Variants in PCDHA3 observed in about 807,000 individuals in gnomAD.
The protein encoded by PCDHA3 is protocadherin alpha-3.
PCDHA3 carries 41 observed loss-of-function variants against 62.2 expected under a neutral mutation model. That is an observed-to-expected ratio of 0.66 (90% CI 0.51 to 0.86). The LOEUF is 0.86. Ranked by LOEUF, PCDHA3 falls within the 40% of genes least tolerant of loss-of-function variation. The pLI is 0.00. For missense variants in PCDHA3, 1,304 were observed against 1,241.2 expected (o/e 1.05, Z -0.76); for synonymous variants, 640 against 555.4 (o/e 1.15, Z -2.14).
chr5:140,999,678 G>A (rs1204037119), intron 3 of PCDHA3, among the ~76,000 whole-genome samples: 2 of 152,112 alleles, frequency 1.3e-5, no homozygotes, highest in East Asian at 1.9e-4. Context: ...GGGGCTCACA[G>A]AAAGAAGAAA....
chr5:140,836,437 G>A (rs1447681112), intron 1 of PCDHA3: 1 of 1,613,724 alleles, frequency 6.2e-7, no homozygotes, highest in African/African-American at 1.3e-5. Flanking sequence ...GCATCGTTGG[G>A]CATTGCAGGC....
In PCDHA3 at chr5:140,802,135, G is replaced by A. The variant is rs1554121883; in HGVS notation, c.938G>A (p.Ser313Asn). The A allele has an allele frequency of 1.2e-6, 2 of 1,614,198 alleles. No individual in the cohort carries two copies. Among genetic ancestry groups the A allele is most frequent in the Non-Finnish European group, 1.7e-6 (2 of 1,180,044 alleles). ...AAGGGTAACATAGATTTCGAGGAAA[G>A]TAAGTCATATGAAATCCAGGTAGAA... is the stretch of plus-strand genomic sequence containing the variant. Reference protein sequence around the residue: ...SVKGNIDFEESKSYEIQVEAT... With the variant: ...SVKGNIDFEENKSYEIQVEAT... The change falls in exon 1 of 4, where the codon AGT becomes AAT. Residue 313 changes from serine to asparagine, a missense_variant. Ser to Asn is a conservative substitution (Grantham distance 46). Transcript: ENST00000522353.
intron 1 of PCDHA3, chr5:140,870,974 G>A: frequency 1.2e-6 from 2 of 1,613,628 alleles, no homozygotes; most frequent in Middle Eastern, 1.7e-4. Flanking sequence ...TTCCGCGTGG[G>A]GCTGTACACG....
intron 1 of PCDHA3, among the ~76,000 whole-genome samples, chr5:140,890,025 T>G (rs1438426095): frequency 2.0e-5 from 3 of 152,178 alleles, no homozygotes; most frequent in African/African-American, 7.2e-5. Context: ...TGTAGAAGGC[T>G]TCAGGTGACT....
At position 140,869,188 on chromosome 5, in the gene PCDHA3, G is replaced by T. The variant is rs200563745; in HGVS notation, c.2394+65597G>T. 364 of 1,613,946 alleles carry T rather than the reference G, an allele frequency of 2.3e-4. 4 individuals carry two copies. In the Admixed American group the frequency reaches 5.9e-3, roughly 26 times the overall value. On this transcript the variant is annotated intron_variant, in intron 1 of 3. Coordinates refer to ENST00000522353, the MANE Select transcript of PCDHA3 (RefSeq NM_018906.3). ...CCTCGAATTCTGGGAGGTGGGGAGC[G>T]GCCAGCTCCACTACTCCGTCTCGGA...
At chr5:140,919,183 A>T (rs2079029188) in intron 1 of PCDHA3, among the ~76,000 whole-genome samples, 1 of 152,104 alleles carries the variant, frequency 6.6e-6, no homozygotes, top group Non-Finnish European at 1.5e-5. Context: ...TATCTTCCTG[A>T]TTGGTCCTTT....
intron 3 of PCDHA3, chr5:140,989,112 T>C (rs1312650713): frequency 1.3e-5 from 2 of 152,222 alleles, no homozygotes; most frequent in Non-Finnish European, 2.9e-5. Context: ...CTTTTGAATA[T>C]ATCTTAGAAA....
chr5:140,836,498 C>T lies in PCDHA3; in HGVS notation c.2394+32907C>T. Reference sequence around the variant, plus strand: ...ACGTGTACCTGATCATCGCCATCTGCGCGGTGTCCAGTCTGTTGGTGCTTA... The same window carrying T: ...ACGTGTACCTGATCATCGCCATCTGTGCGGTGTCCAGTCTGTTGGTGCTTA... On this transcript the variant is annotated intron_variant, in intron 1 of 3. Transcript: ENST00000522353. The T allele has an allele frequency of 1.9e-6, 3 of 1,613,896 alleles. No homozygotes were observed. In the South Asian group the frequency reaches 3.3e-5, roughly 18 times the overall value.
chr5:140,808,676 C>T (rs369858637), intron 1 of PCDHA3: 3 of 1,612,726 alleles, frequency 1.9e-6, no homozygotes, highest in Non-Finnish European at 2.5e-6. Flanking sequence ...GCTGGTAGAG[C>T]GGCGGGTAGG....
intron 1 of PCDHA3, among the ~76,000 whole-genome samples, chr5:140,885,682 A>G (rs1367880744): frequency 6.6e-6 from 1 of 152,194 alleles, no homozygotes; most frequent in Non-Finnish European, 1.5e-5. Flanking sequence ...TTCTATCTCA[A>G]GAAGCAATAG....
chr5:140,979,146 TC>T (rs2096836943), intron 2 of PCDHA3, 139 bp downstream of exon 2: 2 of 1,444,078 alleles, frequency 1.4e-6, no homozygotes, highest in African/African-American at 2.9e-5. Context: ...AATTATTTTG[TC>T]CCCATGTTTA....
intron 3 of PCDHA3, among the ~76,000 whole-genome samples, chr5:140,982,864 T>G (rs1294289316): frequency 1.3e-5 from 2 of 152,114 alleles, no homozygotes; most frequent in Non-Finnish European, 2.9e-5. Flanking sequence ...TTCAAATGCT[T>G]AGGTCATCCA....
chr5:140,924,766 G>A (rs543178519), intron 1 of PCDHA3, among the ~76,000 whole-genome samples: 1 of 151,878 alleles, frequency 6.6e-6, no homozygotes, highest in East Asian at 1.9e-4. Context: ...ATGGTGGTGC[G>A]CGCTTGTAGT....
At chr5:140,864,188 T>C (rs1367092956) in intron 1 of PCDHA3, 1 of 152,142 alleles carries the variant, frequency 6.6e-6, no homozygotes, top group Non-Finnish European at 1.5e-5. Flanking sequence ...TGAATAATGA[T>C]CCTTATGAGA....
chr5:140,947,103 G>A (rs1355984234), intron 1 of PCDHA3, among the ~76,000 whole-genome samples: 1 of 151,176 alleles, frequency 6.6e-6, no homozygotes, highest in Admixed American at 6.6e-5. Flanking sequence ...CCATAAATAG[G>A]TACGTGTCAA....
chr5:140,834,415 G>A, intron 1 of PCDHA3: 1 of 1,611,536 alleles, frequency 6.2e-7, no homozygotes, highest in Non-Finnish European at 8.5e-7. Flanking sequence ...GACCCAGGGG[G>A]CCGACATCTA....
At chr5:140,975,309 T>C (rs182558596) in intron 1 of PCDHA3, among the ~76,000 whole-genome samples, 161 of 152,342 alleles carry the variant, frequency 1.1e-3, no homozygotes, top group African/African-American at 3.2e-3. Flanking sequence ...CTCATGTGAT[T>C]ATGTCAGTCC....
intron 1 of PCDHA3, among the ~76,000 whole-genome samples, chr5:140,944,481 T>C (rs1441639137): frequency 1.3e-5 from 2 of 152,106 alleles, no homozygotes; most frequent in Admixed American, 6.5e-5. Flanking sequence ...GGCACTGGAC[T>C]GAGGCTTCTT....
chr5:141,010,232 A>C lies in PCDHA3; in HGVS notation c.*295A>C. The C allele has an allele frequency of 1.3e-6, 2 of 1,551,952 alleles. No individual in the cohort carries two copies. The highest frequency in any genetic ancestry group is 1.7e-6 in the Non-Finnish European group (2 of 1,147,050). The stretch of plus-strand genomic sequence containing the variant: ...AAAGGAGAGGCTTCCCAGCCCCGCC[A>C]GTGAGAGGTTGGACTCTCTGCCCTG... On this transcript the variant is annotated 3_prime_UTR_variant, in exon 4 of 4. Coordinates refer to ENST00000522353, the MANE Select transcript of PCDHA3 (RefSeq NM_018906.3).
Sources: allele counts gnomAD v4.1 joint callset (sites outside exome capture counted in the v4.1 genomes callset), GRCh38; gene constraint gnomAD v4.1.1; transcripts MANE v1.5; gene names NCBI Gene and HGNC (gene_info 2026-07-23, HGNC 2026-07-21).